Variants in ATP11A observed in about 807,000 individuals in gnomAD.
The protein encoded by ATP11A is phospholipid-transporting ATPase IH.
Under a neutral mutation model 154.4 loss-of-function variants are expected in ATP11A, and 81 were observed. The observed-to-expected ratio is 0.52, with a 90% CI of 0.44 to 0.63. ATP11A has a LOEUF of 0.63. Ranked by LOEUF, ATP11A falls within the 30% of genes least tolerant of loss-of-function variation. The pLI, the probability that ATP11A is intolerant of heterozygous loss-of-function variation, is 0.00. For synonymous variants in ATP11A, 623 were observed against 585.9 expected (o/e 1.06, Z -0.91); for missense variants, 1,316 against 1,474.3 (o/e 0.89, Z 1.76).
Position 112,806,111 on chromosome 13 carries a change from A to G in ATP11A, c.253-102A>G, listed in dbSNP as rs577466365. The G allele has an allele frequency of 1.3e-5, 10 of 787,694 alleles. No homozygotes were observed. The South Asian group carries it at 1.7e-4, about 13-fold the overall frequency. 48.8% of individuals were successfully genotyped at this position (787,694 alleles called of 1,614,324 possible). On this transcript the variant is annotated intron_variant, in intron 3 of 29. Coordinates refer to ENST00000375645, the MANE Select transcript of ATP11A (RefSeq NM_015205.3). ...CAGGTGCCAGCAAAGGTCTTTAAATAAGTCAAAGCGAATGGGAAGTGCTGG... is the reference window on the plus strand; with the variant it reads ...CAGGTGCCAGCAAAGGTCTTTAAATGAGTCAAAGCGAATGGGAAGTGCTGG...
chr13:112,869,866 C>T (rs60587511), intron 25 of ATP11A, among the ~76,000 whole-genome samples: 2,231 of 152,336 alleles, frequency 0.015, 30 homozygotes, highest in African/African-American at 0.033. Context: ...CACAAAGAGA[C>T]GGCACTTTTT....
At chr13:112,858,646 G>A (rs146520325) in intron 22 of ATP11A, 103 of 204,294 alleles carry the variant, frequency 5.0e-4, no homozygotes, top group South Asian at 3.1e-3. Flanking sequence ...CCGGTGTGCC[G>A]ATGCTGTGTG....
intron 16 of ATP11A, among the ~76,000 whole-genome samples, chr13:112,841,925 C>T (rs2079432236): frequency 6.6e-6 from 1 of 152,238 alleles, no homozygotes; most frequent in Non-Finnish European, 1.5e-5. Flanking sequence ...CACCTTCCAG[C>T]ATTTCAGAAA....
At chr13:112,702,565 C>T (rs1178154397) in intron 1 of ATP11A, among the ~76,000 whole-genome samples, 1 of 152,206 alleles carries the variant, frequency 6.6e-6, no homozygotes, top group Non-Finnish European at 1.5e-5. Context: ...CTTGTCCCTT[C>T]TGTCTGCTGT....
chr13:112,873,453 A>T, intron 26 of ATP11A, 120 bp from the exon 27 acceptor site: 2 of 684,058 alleles, frequency 2.9e-6, no homozygotes, highest in Non-Finnish European at 2.4e-6. Flanking sequence ...TTGAGTCGTC[A>T]TTGCTGGGTC....
chr13:112,876,067 C>A, intron 28 of ATP11A, 126 bp downstream of exon 28: 1 of 1,068,188 alleles, frequency 9.4e-7, no homozygotes, highest in Non-Finnish European at 1.3e-6. Context: ...TCAGGTATCA[C>A]TAATGAGTGT....
intron 1 of ATP11A, among the ~76,000 whole-genome samples, chr13:112,750,358 G>C (rs560251705): frequency 3.4e-5 from 1 of 29,516 alleles, no homozygotes; most frequent in Non-Finnish European, 6.6e-5. Flanking sequence ...AAGGATGCGG[G>C]TTTGAATCCC....
At chr13:112,707,188 G>C (rs1887232628) in intron 1 of ATP11A, among the ~76,000 whole-genome samples, 1 of 152,158 alleles carries the variant, frequency 6.6e-6, no homozygotes, top group Non-Finnish European at 1.5e-5. Flanking sequence ...GGCCGAGGCA[G>C]ATGGATCACC....
chr13:112,737,978 C>T (rs1891167173), intron 1 of ATP11A, among the ~76,000 whole-genome samples: 1 of 152,180 alleles, frequency 6.6e-6, no homozygotes, highest in Admixed American at 6.5e-5. Flanking sequence ...TCCCTCAGCC[C>T]TTTTACTTTT....
At chr13:112,760,722 G>C (rs927861151) in intron 1 of ATP11A, among the ~76,000 whole-genome samples, 1 of 152,198 alleles carries the variant, frequency 6.6e-6, no homozygotes, top group African/African-American at 2.4e-5. Context: ...ATAGTTACCA[G>C]CATAGTTGTT....
At position 112,708,761 on chromosome 13, in the gene ATP11A, A is replaced by G. The variant is rs1023163759; in HGVS notation, c.39+18306A>G. ...GCGTGTGGCCCTGTGAGTTGGTCCC[A>G]CCCCTGCCCGACAAGCCTGTAGCTT... On this transcript the variant is annotated intron_variant, in intron 1 of 29. Coordinates refer to ENST00000375645, the MANE Select transcript of ATP11A (RefSeq NM_015205.3). Among the ~76,000 whole-genome samples, 4 of 151,660 alleles carry G rather than the reference A, an allele frequency of 2.6e-5. No individual in the cohort carries two copies. In the South Asian group the frequency reaches 8.3e-4, roughly 32 times the overall value.
chr13:112,690,474 G>T lies in ATP11A; in HGVS notation c.39+19G>T, dbSNP rs1885018446. The T allele has an allele frequency of 6.7e-6, 9 of 1,340,244 alleles. No individual in the cohort carries two copies. The highest frequency in any genetic ancestry group is 7.7e-6 in the Non-Finnish European group (8 of 1,043,198). 83.0% of individuals were successfully genotyped at this position (1,340,244 alleles called of 1,614,324 possible). On this transcript the variant is annotated intron_variant, in intron 1 of 29. Coordinates refer to ENST00000375645, the MANE Select transcript of ATP11A (RefSeq NM_015205.3). The surrounding 1 kb of genome is among the most constrained non-coding windows in gnomAD (Gnocchi z 5.6). Reference sequence around the variant, plus strand: ...CAGATACGTGAGTGCTCCCGGCGCGGGCTGGGGGACCCGGGGACCAGACAG... The same window carrying T: ...CAGATACGTGAGTGCTCCCGGCGCGTGCTGGGGGACCCGGGGACCAGACAG...
chr13:112,772,601 C>T (rs958183669), intron 1 of ATP11A, among the ~76,000 whole-genome samples: 1 of 152,056 alleles, frequency 6.6e-6, no homozygotes, highest in Admixed American at 6.6e-5. Context: ...AATGAAACCC[C>T]GTGCCCAGTA....
At chr13:112,741,398 A>G (rs1594496851) in intron 1 of ATP11A, among the ~76,000 whole-genome samples, 1 of 151,580 alleles carries the variant, frequency 6.6e-6, no homozygotes, top group East Asian at 1.9e-4. Flanking sequence ...TTGGGCAGCC[A>G]CACTGGGGTG....
intron 1 of ATP11A, among the ~76,000 whole-genome samples, chr13:112,725,355 C>T (rs1400824384): frequency 6.6e-6 from 1 of 152,194 alleles, no homozygotes; most frequent in Non-Finnish European, 1.5e-5. Flanking sequence ...GCATCACCCC[C>T]TCCACTCTCT....
intron 29 of ATP11A, chr13:112,880,748 G>T (rs1366985397): frequency 4.3e-6 from 5 of 1,167,266 alleles, no homozygotes; most frequent in Non-Finnish European, 4.3e-6. Flanking sequence ...GATAACAAAG[G>T]TTCACGGTGA....
intron 24 of ATP11A, among the ~76,000 whole-genome samples, chr13:112,861,601 C>T (rs1249611575): frequency 6.6e-6 from 1 of 152,260 alleles, no homozygotes; most frequent in Non-Finnish European, 1.5e-5. Context: ...CACTTCCCTG[C>T]CTGGGATTCT....
intron 3 of ATP11A, among the ~76,000 whole-genome samples, chr13:112,805,720 A>G (rs1271226032): frequency 6.6e-6 from 1 of 152,042 alleles, no homozygotes; most frequent in African/African-American, 2.4e-5. Flanking sequence ...GAAAATCCAA[A>G]GACAGTACAC....
intron 6 of ATP11A, among the ~76,000 whole-genome samples, chr13:112,818,399 C>G (rs779975507): frequency 9.2e-5 from 14 of 152,184 alleles, no homozygotes; most frequent in Non-Finnish European, 1.6e-4. Context: ...CCGTGTCCCC[C>G]TGATTTGTGC....
Sources: gnomAD v4.1 joint callset for allele counts (sites outside exome capture counted in the v4.1 genomes callset) on GRCh38, gnomAD v4.1.1 for gene constraint, Gnocchi (gnomAD v3.1) non-coding constraint, MANE v1.5 for transcripts, NCBI Gene and HGNC (gene_info 2026-07-23, HGNC 2026-07-21) for gene names.